The following TPR variants were observed in gnomAD, a reference collection of about 807,000 sequenced individuals.
TPR encodes the protein translocated promoter region, nuclear basket protein.
TPR carries 51 observed loss-of-function variants against 316.1 expected under a neutral mutation model. The observed-to-expected ratio is 0.16, with a 90% CI of 0.13 to 0.20. The LOEUF (loss-of-function observed/expected upper bound fraction) is 0.20, where lower values mean the gene tolerates loss of function less well. Among genes scored for constraint, TPR ranks in the 10% least tolerant of loss-of-function variants. The pLI, the probability that TPR is intolerant of heterozygous loss-of-function variation, is 1.00. For synonymous variants in TPR, 981 were observed against 914.7 expected (o/e 1.07, Z -1.31); for missense variants, 2,272 against 2,754.8 (o/e 0.82, Z 3.92).
At chr1:186,344,601 T>G (rs1351981898) in intron 24 of TPR, 23 bp from the exon 25 acceptor site, 6 of 1,462,980 alleles carry the variant, frequency 4.1e-6, no homozygotes, top group Non-Finnish European at 5.4e-6. Context: ...ATTACCCAAT[T>G]GATACCAAAG....
intron 43 of TPR, 70 bp downstream of exon 43, chr1:186,323,616 A>C: frequency 2.2e-6 from 3 of 1,338,962 alleles, no homozygotes; most frequent in Non-Finnish European, 2.9e-6. Flanking sequence ...AGAGAAATAC[A>C]TAATGGAAAG....
In TPR at chr1:186,333,052, T is replaced by G. The variant is rs566253535; in HGVS notation, c.5455+70A>C. 12 of 1,523,062 alleles carry G rather than the reference T, an allele frequency of 7.9e-6. No individual in the cohort carries two copies. In the African/African-American group the frequency reaches 1.4e-4, roughly 18 times the overall value. 94.3% of individuals were successfully genotyped at this position (1,523,062 alleles called of 1,614,324 possible). A position where few individuals can be genotyped will look rare whatever the true frequency, so the allele number is the denominator to read the frequency against. On this transcript the variant is annotated intron_variant, in intron 37 of 50. Coordinates refer to ENST00000367478, the MANE Select transcript of TPR (RefSeq NM_003292.3). ...GTACAAAGAATACTCAAGATATATA[T>G]ACTCAAGATACACTCAAGATCTTAT...
rs1036301217 is a variant in TPR, at chr1:186,338,625, T to C, written c.4152-382A>G. ...TGTAAAAGGGCCGGATAGAATGTTA[T>C]GCTTTGCAAGCCACAAAGTCTTTGC... is the stretch of plus-strand genomic sequence containing the variant. On this transcript the variant is annotated intron_variant, in intron 30 of 50. Transcript: ENST00000367478. 7.9e-4 allele frequency among the ~76,000 whole-genome samples: 121 copies of C among 152,380 alleles called. 2 individuals carry two copies. The highest frequency in any genetic ancestry group is 3.4e-3 in the Middle Eastern group (1 of 294).
chr1:186,314,283 G>T, intron 50 of TPR: 1 of 442,408 alleles, frequency 2.3e-6, no homozygotes, highest in Non-Finnish European at 4.0e-6. Context: ...TAATCACAAA[G>T]CTTTATCGTG....
At position 186,318,515 on chromosome 1, in the gene TPR, T is replaced by C; in HGVS notation, c.6753A>G (p.Leu2251=). 1 of 1,614,134 alleles carries C rather than the reference T, an allele frequency of 6.2e-7. No homozygotes were observed. Among genetic ancestry groups the C allele is most frequent in the Non-Finnish European group, 8.5e-7 (1 of 1,180,036 alleles). Residue 2251 remains leucine (L), a synonymous_variant, in exon 48 of 51, where the codon TTA becomes TTG. Coordinates refer to ENST00000367478, the MANE Select transcript of TPR (RefSeq NM_003292.3). ...CTGTTGCTGTTTCATTTGTTGTAGA[T>C]AAAGTGCCAGTGGATGTAGTCACCA... ...VPMVTTSTGT[L]STTNETATGD...
chr1:186,350,678 T>TTGAGAACACAGA (rs1244211409), intron 20 of TPR, among the ~76,000 whole-genome samples: 4 of 152,192 alleles, frequency 2.6e-5, no homozygotes, highest in Non-Finnish European at 5.9e-5. Flanking sequence ...ACTCTCTGAA[T>TTGAGAACACAGA]TGAGAACACA....
At chr1:186,357,646 T>A (rs748888297) in intron 13 of TPR, 23 bp from the exon 14 acceptor site, 1 of 1,591,862 alleles carries the variant, frequency 6.3e-7, no homozygotes, top group Admixed American at 1.7e-5. Flanking sequence ...TTTTAATATG[T>A]TATAAAATAG....
In TPR at chr1:186,374,935, G is replaced by A; in HGVS notation, c.94C>T (p.Gln32Ter). 1 of 1,608,010 alleles carries A rather than the reference G, an allele frequency of 6.2e-7. No homozygotes were observed. Among genetic ancestry groups the A allele is most frequent in the Non-Finnish European group, 8.5e-7 (1 of 1,175,014 alleles). The stretch of plus-strand genomic sequence containing the variant: ...TTCAGGCCATCGATCTCGGATTGCT[G>A]ATCAGCAAGGAACTTTTCAAGTTTG... The part of the protein sequence containing the change: ...QNKLEKFLAD[Q>*]QSEIDGLKGR... The change falls in exon 1 of 51, where the codon CAG (glutamine) becomes TAG (stop). Residue 32 changes from glutamine (Q) to a stop codon, truncating the protein, a stop_gained. Coordinates refer to ENST00000367478, the MANE Select transcript of TPR (RefSeq NM_003292.3). LOFTEE classifies it high-confidence loss of function.
chr1:186,330,713 T>C (rs1053783963), intron 39 of TPR, among the ~76,000 whole-genome samples: 2 of 152,088 alleles, frequency 1.3e-5, no homozygotes, highest in Admixed American at 1.3e-4. Context: ...CTGGAGACTA[T>C]TTCTTCCTCA....
Position 186,345,714 on chromosome 1 carries a change from G to A in TPR, c.3097-18C>T, listed in dbSNP as rs376135831. The A allele has an allele frequency of 7.5e-5, 115 of 1,542,638 alleles. No individual in the cohort carries two copies. In the African/African-American group the frequency reaches 1.3e-3, roughly 17 times the overall value. On this transcript the variant is annotated intron_variant, in intron 23 of 50. Coordinates refer to ENST00000367478, the MANE Select transcript of TPR (RefSeq NM_003292.3). ...TCAGATAACTAAGCAGAAAGAACAA[G>A]ATTAAAACCAAAATTAATTGCAAAC... is the stretch of plus-strand genomic sequence containing the variant.
At chr1:186,358,801 T>C (rs1047451064) in intron 12 of TPR, 151 bp from the exon 13 acceptor site, 1 of 624,628 alleles carries the variant, frequency 1.6e-6, no homozygotes, top group African/African-American at 2.0e-5. Flanking sequence ...AAAGAAGTTT[T>C]GTATAAATTT....
At chr1:186,337,454 G>A (rs1229391030) in intron 31 of TPR, among the ~76,000 whole-genome samples, 1 of 151,920 alleles carries the variant, frequency 6.6e-6, no homozygotes, top group Non-Finnish European at 1.5e-5. Flanking sequence ...AAGAATATAA[G>A]CATATAATAT....
intron 45 of TPR, among the ~76,000 whole-genome samples, chr1:186,321,137 T>C (rs897867530): frequency 2.6e-5 from 4 of 152,098 alleles, no homozygotes; most frequent in Non-Finnish European, 5.9e-5. Context: ...TTTATTGGAG[T>C]GAGTCTCTTC....
intron 47 of TPR, 30 bp downstream of exon 47, chr1:186,318,703 C>T (rs1657684131): frequency 5.0e-6 from 8 of 1,612,246 alleles, no homozygotes; most frequent in South Asian, 1.1e-5. Flanking sequence ...ACCAATAAAA[C>T]AGAACCTACT....
chr1:186,316,497 G>A (rs925413183), intron 49 of TPR, among the ~76,000 whole-genome samples: 2 of 152,138 alleles, frequency 1.3e-5, no homozygotes, highest in Non-Finnish European at 2.9e-5. Flanking sequence ...AAATCTGAAG[G>A]TTCCATGGCA....
At chr1:186,360,224 T>C (rs369759894) in intron 11 of TPR, 49 bp downstream of exon 11, 1 of 1,571,686 alleles carries the variant, frequency 6.4e-7, no homozygotes, top group South Asian at 1.1e-5. Context: ...GAGATTTGTA[T>C]ACATTTGCTG....
At chr1:186,344,150 C>G in intron 25 of TPR, 60 bp from the exon 26 acceptor site, 2 of 1,545,274 alleles carry the variant, frequency 1.3e-6, no homozygotes, top group Non-Finnish European at 1.7e-6. Context: ...AAAAAAACAA[C>G]TTGGCCAGGC....
At chr1:186,314,287 T>A in intron 50 of TPR, 1 of 436,134 alleles carries the variant, frequency 2.3e-6, no homozygotes, top group Non-Finnish European at 4.0e-6. Flanking sequence ...CACAAAGCTT[T>A]ATCGTGTTGT....
chr1:186,374,833 G>C (rs1166960826), intron 1 of TPR, 45 bp downstream of exon 1: 2 of 1,556,004 alleles, frequency 1.3e-6, no homozygotes, highest in Admixed American at 1.8e-5. Context: ...CCCAAAGGGC[G>C]GGAGTCGAGC....
Sources: gnomAD v4.1 joint callset for allele counts (sites outside exome capture counted in the v4.1 genomes callset) on GRCh38, gnomAD v4.1.1 for gene constraint, MANE v1.5 for transcripts, NCBI Gene and HGNC (gene_info 2026-07-23, HGNC 2026-07-21) for gene names.